The following SPATA6 variants were observed in gnomAD, a reference collection of about 807,000 sequenced individuals.
SPATA6 encodes the protein spermatogenesis-associated protein 6.
Under a neutral mutation model 65.3 loss-of-function variants are expected in SPATA6, and 56 were observed. The ratio of observed to expected loss-of-function variants is 0.86; its 90% CI spans 0.69 to 1.07. The LOEUF (loss-of-function observed/expected upper bound fraction) is 1.07. Ranked by LOEUF, SPATA6 falls within the 50% of genes least tolerant of loss-of-function variation. The probability of loss-of-function intolerance (pLI) is 0.00; values close to 1 mark genes in which losing one functional copy is unlikely to be tolerated. For synonymous variants in SPATA6, 199 were observed against 213.2 expected (o/e 0.93, Z 0.58); for missense variants, 590 against 594.8 (o/e 0.99, Z 0.08).
At chr1:48,422,102 G>A (rs193114387) in intron 3 of SPATA6, among the ~76,000 whole-genome samples, 53 of 152,266 alleles carry the variant, frequency 3.5e-4, no homozygotes, top group Middle Eastern at 3.4e-3. Context: ...GGGGAAAGGA[G>A]GATGGGAGAG....
chr1:48,266,657 T>A, the SPATA6 span, among the ~76,000 whole-genome samples: 2 of 152,212 alleles, frequency 1.3e-5, no homozygotes, highest in African/African-American at 4.8e-5. Flanking sequence ...TTTCCCAACA[T>A]AAACACTTGA....
At chr1:48,269,951 C>T in the SPATA6 span, among the ~76,000 whole-genome samples, 1 of 151,948 alleles carries the variant, frequency 6.6e-6, no homozygotes. Context: ...AAGTCTCTAA[C>T]AAGATACACT....
chr1:48,261,919 A>C, the SPATA6 span, among the ~76,000 whole-genome samples: 2 of 152,064 alleles, frequency 1.3e-5, no homozygotes, highest in South Asian at 4.1e-4. Flanking sequence ...GAATCATGAA[A>C]ACTCTAACTT....
intron 3 of SPATA6, among the ~76,000 whole-genome samples, chr1:48,429,429 AG>A (rs1654195806): frequency 6.6e-6 from 1 of 152,196 alleles, no homozygotes; most frequent in South Asian, 2.1e-4. Context: ...TTTATACTTT[AG>A]GCTGATCTTC....
the SPATA6 span, among the ~76,000 whole-genome samples, chr1:48,269,221 T>G: frequency 6.6e-6 from 1 of 152,200 alleles, no homozygotes; most frequent in Non-Finnish European, 1.5e-5. Context: ...CCTCAACATC[T>G]TCCCAAGTAC....
chr1:48,410,558 C>G (rs1481676291), intron 5 of SPATA6, among the ~76,000 whole-genome samples: 1 of 152,156 alleles, frequency 6.6e-6, no homozygotes, highest in African/African-American at 2.4e-5. Flanking sequence ...ATATTGCTAG[C>G]AAGAAATATC....
Position 48,399,489 on chromosome 1 carries a change from T to A in SPATA6, c.642A>T (p.Lys214Asn), listed in dbSNP as rs370483903. 2.1e-4 allele frequency: 334 copies of A among 1,613,252 alleles called. No individual in the cohort carries two copies. The highest frequency in any genetic ancestry group is 2.7e-4 in the Non-Finnish European group (322 of 1,179,546). ...TTGTGTAGGGAGATGGAGAGTGTGA[T>A]TTTGAAGAAATTGTAGGCTGTTCGT... ...KNYEQPTISSKSHSPSPYTKR... is the reference protein window; with the variant it reads ...KNYEQPTISSNSHSPSPYTKR... Residue 214 changes from lysine (K) to asparagine (N), a missense_variant, in exon 7 of 13, where the codon AAA becomes AAT. Lys to Asn is a moderately conservative substitution (Grantham distance 94). Transcript: ENST00000371847.
At chr1:48,364,192 A>C (rs1557616119) in intron 9 of SPATA6, among the ~76,000 whole-genome samples, 1 of 152,304 alleles carries the variant, frequency 6.6e-6, no homozygotes, top group African/African-American at 2.4e-5. Context: ...TTCTTAATCC[A>C]ATCTATTGTT....
At chr1:48,388,311 A>G (rs1453614217) in intron 8 of SPATA6, among the ~76,000 whole-genome samples, 1 of 152,194 alleles carries the variant, frequency 6.6e-6, no homozygotes, top group Non-Finnish European at 1.5e-5. Context: ...CTACCCAACC[A>G]GTAATGAGGA....
chr1:48,269,478 G>T, the SPATA6 span, among the ~76,000 whole-genome samples: 156 of 152,120 alleles, frequency 1.0e-3, no homozygotes, highest in African/African-American at 3.6e-3. Flanking sequence ...TATGCCAAAT[G>T]GAATATTTTT....
intron 11 of SPATA6, among the ~76,000 whole-genome samples, chr1:48,315,184 T>A (rs1187133166): frequency 6.6e-6 from 1 of 152,196 alleles, no homozygotes; most frequent in Non-Finnish European, 1.5e-5. Context: ...CCTCCCTAAC[T>A]CATTTTATGA....
At position 48,436,048 on chromosome 1, in the gene SPATA6, C is replaced by CA. The variant is rs1389802788; in HGVS notation, c.238+15503dup. On this transcript the variant is annotated intron_variant, in intron 3 of 12. Transcript: ENST00000371847. ...TGAAAAACAGTCTGAAACCAGTATC[C>CA]ATCAATACTTGGTTGATGAGCCAAC... The CA allele has an allele frequency of 6.2e-6, 10 of 1,609,070 alleles. No homozygotes were observed. The Admixed American group carries it at 1.0e-4, about 16-fold the overall frequency.
the SPATA6 span, among the ~76,000 whole-genome samples, chr1:48,271,891 TACTGTAATTGTTG>T: frequency 6.6e-6 from 1 of 152,134 alleles, no homozygotes; most frequent in Non-Finnish European, 1.5e-5. Context: ...ATAGATATTG[TACTGTAATTGTTG>T]ACTTGTCTGT....
intron 11 of SPATA6, among the ~76,000 whole-genome samples, chr1:48,311,753 G>A (rs138528379): frequency 0.066 from 10,079 of 152,272 alleles, 426 homozygotes; most frequent in Non-Finnish European, 0.093. Context: ...CCGAGCGTGA[G>A]CCGAAGCAGG....
chr1:48,452,459 C>T (rs969597560), intron 2 of SPATA6, among the ~76,000 whole-genome samples: 5 of 151,356 alleles, frequency 3.3e-5, no homozygotes, highest in Non-Finnish European at 7.4e-5. Flanking sequence ...TCTCCTCTCA[C>T]TACAACCTCC....
intron 9 of SPATA6, among the ~76,000 whole-genome samples, chr1:48,370,419 A>G (rs910356586): frequency 4.6e-5 from 7 of 152,230 alleles, no homozygotes; most frequent in African/African-American, 1.4e-4. Flanking sequence ...CACTTTCTCA[A>G]TCTTGCCAAG....
intron 11 of SPATA6, among the ~76,000 whole-genome samples, chr1:48,313,187 C>G (rs1570053310): frequency 6.6e-6 from 1 of 152,144 alleles, no homozygotes; most frequent in African/African-American, 2.4e-5. Context: ...TCAGGAAATA[C>G]AGAGAATGCC....
intron 11 of SPATA6, among the ~76,000 whole-genome samples, chr1:48,312,952 G>A (rs867619155): frequency 6.6e-6 from 1 of 152,022 alleles, no homozygotes; most frequent in African/African-American, 2.4e-5. Flanking sequence ...CATCAGTGAT[G>A]GAAGATCAAA....
chr1:48,463,663 A>G (rs1570651932), intron 1 of SPATA6, among the ~76,000 whole-genome samples: 1 of 152,202 alleles, frequency 6.6e-6, no homozygotes, highest in East Asian at 1.9e-4. Context: ...AAGGGATTTT[A>G]TTAGGCAGAG....
Sources: gnomAD v4.1 joint callset for allele counts (sites outside exome capture counted in the v4.1 genomes callset) on GRCh38, gnomAD v4.1.1 for gene constraint, MANE v1.5 for transcripts, NCBI Gene and HGNC (gene_info 2026-07-23, HGNC 2026-07-21) for gene names.